PLCG2: variants seen among roughly 807,000 people sequenced by gnomAD.
PLCG2 encodes the protein phospholipase C gamma 2.
In PLCG2, 69 loss-of-function variants were observed where a neutral mutation model predicts 175.6. The observed-to-expected ratio is 0.39, with a 90% CI of 0.32 to 0.48. The LOEUF (loss-of-function observed/expected upper bound fraction) is 0.48, where lower values mean the gene tolerates loss of function less well. Among genes scored for constraint, PLCG2 ranks in the 20% least tolerant of loss-of-function variants. The probability of loss-of-function intolerance (pLI) is 0.91; values close to 1 mark genes in which losing one functional copy is unlikely to be tolerated. For missense variants in PLCG2, 1,798 were observed against 1,650.9 expected (o/e 1.09, Z -1.54); for synonymous variants, 827 against 624.0 (o/e 1.33, Z -4.85).
chr16:81,878,790 G>A (rs142470398), intron 7 of PLCG2, among the ~76,000 whole-genome samples: 57 of 152,300 alleles, frequency 3.7e-4, no homozygotes, highest in African/African-American at 1.2e-3. Context: ...TGGGATGCCC[G>A]ACTGTCTTCC....
Position 81,959,309 on chromosome 16 carries a change from TG to T in PLCG2, c.*1314del, listed in dbSNP as rs1911695950. 1 of 222,980 alleles carries T rather than the reference TG, an allele frequency of 4.5e-6. No homozygotes were observed. Among genetic ancestry groups the T allele is most frequent in the Non-Finnish European group, 9.0e-6 (1 of 111,670 alleles). The allele number at this position is 222,980 out of a possible 1,614,324, so 13.8% of individuals were successfully genotyped here. On this transcript the variant is annotated 3_prime_UTR_variant, in exon 33 of 33. Transcript: ENST00000564138. ...ACCCTCCTCTTGTTACCCGAAATGC[TG>T]GGCTTAGTATGCATGTACTGCTGAA...
chr16:81,837,498 T>A (rs1423780803), intron 2 of PLCG2, among the ~76,000 whole-genome samples: 1 of 152,150 alleles, frequency 6.6e-6, no homozygotes, highest in Non-Finnish European at 1.5e-5. Flanking sequence ...AGGTGGCTGG[T>A]AGAATCCCCT....
At chr16:81,908,369 G>A (rs1279800776) in intron 16 of PLCG2, 47 bp from the exon 17 acceptor site, 1 of 1,552,824 alleles carries the variant, frequency 6.4e-7, no homozygotes, top group South Asian at 1.2e-5. Context: ...GTGATGCTGG[G>A]GTTTGGTCCA....
At chr16:81,830,442 G>A (rs1181598927) in intron 2 of PLCG2, among the ~76,000 whole-genome samples, 1 of 152,050 alleles carries the variant, frequency 6.6e-6, no homozygotes, top group Non-Finnish European at 1.5e-5. Context: ...AAGTAGCTGG[G>A]ATTATAGGCG....
At chr16:81,814,886 A>G (rs74029224) in intron 2 of PLCG2, among the ~76,000 whole-genome samples, 3,313 of 152,250 alleles carry the variant, frequency 0.022, 124 homozygotes, top group African/African-American at 0.073. Context: ...TGGGATAAAG[A>G]TTAAATGAGC....
chr16:81,870,472 A>G (rs1031730359), intron 6 of PLCG2, among the ~76,000 whole-genome samples: 3 of 152,194 alleles, frequency 2.0e-5, no homozygotes, highest in Admixed American at 6.5e-5. Flanking sequence ...TTTCTGCCCA[A>G]AAAAGGAGGA....
intron 26 of PLCG2, 82 bp from the exon 27 acceptor site, chr16:81,936,087 A>G (rs1487314368): frequency 5.8e-6 from 9 of 1,553,668 alleles, no homozygotes; most frequent in Non-Finnish European, 7.8e-6. Context: ...TTATAATCTG[A>G]GCATCCAGCC....
At chr16:81,879,562 C>T (rs941060276) in intron 7 of PLCG2, among the ~76,000 whole-genome samples, 4 of 152,090 alleles carry the variant, frequency 2.6e-5, no homozygotes, top group Admixed American at 6.5e-5. Flanking sequence ...CCTGATAGTC[C>T]CCATGACGTC....
rs572083314 is a variant in PLCG2, at chr16:81,845,354, T to G, written c.194-9090T>G. Reference sequence around the variant, plus strand: ...CCTACATTTTTGTTTTGCCAGGTACTATTTTAATTGACAAACACACATGTA... The same window carrying G: ...CCTACATTTTTGTTTTGCCAGGTACGATTTTAATTGACAAACACACATGTA... On this transcript the variant is annotated intron_variant, in intron 2 of 32. Coordinates refer to ENST00000564138, the MANE Select transcript of PLCG2 (RefSeq NM_002661.5). Among the ~76,000 whole-genome samples the G allele has an allele frequency of 2.1e-4, 32 of 152,348 alleles. 1 individual carries two copies. In the South Asian group the frequency reaches 6.4e-3, roughly 31 times the overall value.
chr16:81,937,980 A>ATC, intron 28 of PLCG2, 77 bp downstream of exon 28: 1 of 1,390,852 alleles, frequency 7.2e-7, no homozygotes, highest in Non-Finnish European at 1.0e-6. Flanking sequence ...TCTTGAGAGC[A>ATC]GGGAACCCAT....
chr16:81,831,737 C>A (rs1905266761), intron 2 of PLCG2, among the ~76,000 whole-genome samples: 1 of 152,120 alleles, frequency 6.6e-6, no homozygotes, highest in Non-Finnish European at 1.5e-5. Context: ...ATGGGGACCC[C>A]AGGAGGCTCC....
intron 5 of PLCG2, among the ~76,000 whole-genome samples, chr16:81,865,682 G>T (rs1250088374): frequency 6.6e-6 from 1 of 152,086 alleles, no homozygotes; most frequent in African/African-American, 2.4e-5. Context: ...CCCAGGATGG[G>T]CTCCACTGGG....
intron 1 of PLCG2, among the ~76,000 whole-genome samples, chr16:81,785,245 G>A (rs1567462534): frequency 6.6e-6 from 1 of 152,098 alleles, no homozygotes; most frequent in African/African-American, 2.4e-5. Flanking sequence ...CTAGGTGCTG[G>A]CCGTCACCCC....
intron 5 of PLCG2, among the ~76,000 whole-genome samples, chr16:81,862,992 TA>T (rs954043116): frequency 3.3e-5 from 5 of 152,118 alleles, no homozygotes; most frequent in African/African-American, 1.2e-4. Context: ...ACCTTATGAT[TA>T]AAAAAAATTA....
At chr16:81,937,108 G>C (rs1397595414) in intron 27 of PLCG2, among the ~76,000 whole-genome samples, 1 of 152,226 alleles carries the variant, frequency 6.6e-6, no homozygotes, top group Non-Finnish European at 1.5e-5. Context: ...TTGCCCTGAG[G>C]AAAACCACTG....
At chr16:81,760,989 G>A (rs928437143) in intron 2 of PLCG2, among the ~76,000 whole-genome samples, 8 of 152,036 alleles carry the variant, frequency 5.3e-5, no homozygotes, top group African/African-American at 1.9e-4. Flanking sequence ...CGGCAACAGC[G>A]ACCTCCTGGG....
intron 2 of PLCG2, 91 bp from the exon 3 acceptor site, chr16:81,854,353 G>A (rs1209507501): frequency 2.5e-6 from 3 of 1,183,462 alleles, no homozygotes; most frequent in Admixed American, 1.8e-5. Flanking sequence ...GAAGGAAGGA[G>A]CCAGGCTGTG....
At chr16:81,882,012 A>G (rs1305526520) in intron 8 of PLCG2, among the ~76,000 whole-genome samples, 2 of 152,132 alleles carry the variant, frequency 1.3e-5, no homozygotes, top group African/African-American at 2.4e-5. Flanking sequence ...TGGTGGGGAA[A>G]GGTTAGAATT....
intron 8 of PLCG2, among the ~76,000 whole-genome samples, chr16:81,881,684 G>A (rs1048936722): frequency 8.5e-5 from 13 of 152,276 alleles, no homozygotes; most frequent in Admixed American, 3.9e-4. Context: ...TCCCTTTGTC[G>A]CCTAGGCTGG....
Sources: allele counts gnomAD v4.1 joint callset (sites outside exome capture counted in the v4.1 genomes callset), GRCh38; gene constraint gnomAD v4.1.1; transcripts MANE v1.5; gene names NCBI Gene and HGNC (gene_info 2026-07-23, HGNC 2026-07-21).